Variants in GREB1L observed in about 807,000 individuals in gnomAD.
GREB1L encodes GREB1 like retinoic acid receptor coactivator.
Under a neutral mutation model 200.8 loss-of-function variants are expected in GREB1L, and 17 were observed. The ratio of observed to expected loss-of-function variants is 0.08; its 90% CI spans 0.06 to 0.13. GREB1L has a LOEUF of 0.13. Ranked by LOEUF, GREB1L falls within the 10% of genes least tolerant of loss-of-function variation. The pLI is 1.00. For missense variants in GREB1L, 1,657 were observed against 2,367.7 expected (o/e 0.70, Z 6.23); for synonymous variants, 789 against 893.0 (o/e 0.88, Z 2.08).
In GREB1L at chr18:21,508,604, C is replaced by G; in HGVS notation, c.4735+13C>G. The G allele has an allele frequency of 1.3e-6, 2 of 1,550,638 alleles. No homozygotes were observed. The highest frequency in any genetic ancestry group is 1.7e-6 in the Non-Finnish European group (2 of 1,146,456). ...AATGCAGGCGTGGGTAAGGGGCCCC[C>G]CTGGGATGGGGAGAAGGGCTTCGAA... On this transcript the variant is annotated intron_variant, in intron 27 of 32. Transcript: ENST00000424526.
At chr18:21,243,905 C>T (rs2037551585) in intron 1 of GREB1L, among the ~76,000 whole-genome samples, 1 of 152,148 alleles carries the variant, frequency 6.6e-6, no homozygotes, top group African/African-American at 2.4e-5. Flanking sequence ...CTTTCCTCTC[C>T]TCCATACAAG....
At chr18:21,485,841 G>GATGTTT (rs2036107677) in intron 18 of GREB1L, 88 bp downstream of exon 18, 2 of 1,338,368 alleles carry the variant, frequency 1.5e-6, no homozygotes, top group Non-Finnish European at 2.0e-6. Context: ...CAGTGCTACG[G>GATGTTT]GGTGTTTGAT....
intron 1 of GREB1L, among the ~76,000 whole-genome samples, chr18:21,254,255 A>T (rs755314368): frequency 9.2e-5 from 14 of 151,716 alleles, no homozygotes; most frequent in Non-Finnish European, 1.0e-4. Flanking sequence ...TTTTTAGTAC[A>T]GACAGGGTTT....
chr18:21,361,702 G>A (rs900100190), intron 1 of GREB1L, among the ~76,000 whole-genome samples: 15 of 151,252 alleles, frequency 9.9e-5, no homozygotes, highest in African/African-American at 3.2e-4. Context: ...GGTACAGACT[G>A]TGATCTGGAA....
chr18:21,416,108 A>C (rs2031604812), intron 7 of GREB1L, among the ~76,000 whole-genome samples: 1 of 152,246 alleles, frequency 6.6e-6, no homozygotes, highest in Admixed American at 6.5e-5. Flanking sequence ...AAAGTTAAGT[A>C]GACATGACAG....
chr18:21,474,752 C>T (rs1446405420), intron 16 of GREB1L, among the ~76,000 whole-genome samples: 2 of 152,204 alleles, frequency 1.3e-5, no homozygotes, highest in African/African-American at 4.8e-5. Flanking sequence ...GCCTCTAGGT[C>T]TGTGGATGGG....
intron 1 of GREB1L, among the ~76,000 whole-genome samples, chr18:21,250,522 C>T (rs2037685767): frequency 6.6e-6 from 1 of 152,200 alleles, no homozygotes. Flanking sequence ...AACTACTACT[C>T]AAATGTATCA....
intron 1 of GREB1L, among the ~76,000 whole-genome samples, chr18:21,312,250 A>G (rs1218068814): frequency 6.6e-6 from 1 of 152,134 alleles, no homozygotes; most frequent in African/African-American, 2.4e-5. Context: ...GGTTGAGTCC[A>G]TGTCTTTGCT....
chr18:21,325,193 A>G (rs2039004302), intron 1 of GREB1L, among the ~76,000 whole-genome samples: 1 of 152,194 alleles, frequency 6.6e-6, no homozygotes, highest in South Asian at 2.1e-4. Context: ...CTGTCCAGTT[A>G]GGCTAGGGAA....
chr18:21,386,379 C>T (rs1276633664), intron 4 of GREB1L, among the ~76,000 whole-genome samples: 1 of 152,132 alleles, frequency 6.6e-6, no homozygotes, highest in Non-Finnish European at 1.5e-5. Flanking sequence ...GCAGCCTCCA[C>T]CTCCCGGGTT....
chr18:21,271,159 A>G (rs1275014235), intron 1 of GREB1L, among the ~76,000 whole-genome samples: 1 of 152,234 alleles, frequency 6.6e-6, no homozygotes, highest in African/African-American at 2.4e-5. Flanking sequence ...ATTTAACAGT[A>G]TATAACAGAC....
chr18:21,507,917 G>A (rs1328891011), intron 25 of GREB1L, among the ~76,000 whole-genome samples: 7 of 152,140 alleles, frequency 4.6e-5, no homozygotes, highest in African/African-American at 9.7e-5. Flanking sequence ...GCAAGACGGC[G>A]GGCTGTCATG....
intron 2 of GREB1L, among the ~76,000 whole-genome samples, chr18:21,372,776 CT>C (rs1461385999): frequency 6.6e-6 from 1 of 152,062 alleles, no homozygotes; most frequent in Non-Finnish European, 1.5e-5. Flanking sequence ...ACAAAATTAG[CT>C]GGGCATGATG....
At chr18:21,492,796 C>T (rs2036393570) in intron 19 of GREB1L, among the ~76,000 whole-genome samples, 1 of 151,994 alleles carries the variant, frequency 6.6e-6, no homozygotes, top group South Asian at 2.1e-4. Context: ...TAAGAGTGTC[C>T]CATATTCTGG....
At chr18:21,379,060 A>G (rs1342151451) in intron 2 of GREB1L, among the ~76,000 whole-genome samples, 1 of 151,836 alleles carries the variant, frequency 6.6e-6, no homozygotes, top group Non-Finnish European at 1.5e-5. Flanking sequence ...ATTCAGCATG[A>G]TATTTATCTG....
chr18:21,420,510 G>A (rs1273946751), intron 7 of GREB1L, among the ~76,000 whole-genome samples: 3 of 152,036 alleles, frequency 2.0e-5, no homozygotes, highest in Admixed American at 6.6e-5. Flanking sequence ...AATGAGAAAA[G>A]TTATATGGGT....
chr18:21,347,148 G>C (rs543022844), intron 1 of GREB1L, among the ~76,000 whole-genome samples: 5 of 151,846 alleles, frequency 3.3e-5, no homozygotes, highest in African/African-American at 1.2e-4. Flanking sequence ...CGTGGTGGTG[G>C]GTGCCTGTAG....
chr18:21,484,799 G>C (rs939274286), intron 17 of GREB1L, among the ~76,000 whole-genome samples: 35 of 152,094 alleles, frequency 2.3e-4, no homozygotes, highest in African/African-American at 8.4e-4. Context: ...CTCCAGCCTG[G>C]GCAACAAGAG....
chr18:21,426,980 AAAAAAAAC>A (rs566157994), intron 7 of GREB1L, among the ~76,000 whole-genome samples: 32 of 79,118 alleles, frequency 4.0e-4, no homozygotes, highest in African/African-American at 3.0e-3. Context: ...AAACAAAAAA[AAAAAAAAC>A]AAAAAAAAAA....
Sources: allele counts gnomAD v4.1 joint callset (sites outside exome capture counted in the v4.1 genomes callset), GRCh38; gene constraint gnomAD v4.1.1; transcripts MANE v1.5; gene names NCBI Gene and HGNC (gene_info 2026-07-23, HGNC 2026-07-21).